Variants in ST6GALNAC5 observed in about 807,000 individuals in gnomAD.
The protein encoded by ST6GALNAC5 is ST6 N-acetylgalactosaminide alpha-2,6-sialyltransferase 5.
In ST6GALNAC5, 27 loss-of-function variants were observed where a neutral mutation model predicts 33.6. The observed-to-expected ratio is 0.80, with a 90% CI of 0.59 to 1.11. The LOEUF is 1.11. ST6GALNAC5 is among the 50% of genes least tolerant of loss of function. The probability of loss-of-function intolerance (pLI) is 0.00; values close to 1 mark genes in which losing one functional copy is unlikely to be tolerated. For missense variants in ST6GALNAC5, 428 were observed against 454.0 expected, an observed-to-expected ratio of 0.94 and a Z score of 0.52; for synonymous variants, 194 against 171.2, an observed-to-expected ratio of 1.13 and a Z score of -1.04.
At chr1:76,876,687 G>A (rs766550858) in intron 2 of ST6GALNAC5, among the ~76,000 whole-genome samples, 5 of 152,118 alleles carry the variant, frequency 3.3e-5, no homozygotes, top group African/African-American at 7.2e-5. Context: ...GCACAACCAC[G>A]TGCACTGCTC....
intron 3 of ST6GALNAC5, among the ~76,000 whole-genome samples, chr1:77,047,135 A>G (rs1652041580): frequency 6.6e-6 from 1 of 152,164 alleles, no homozygotes. Context: ...CGTAGTCCCT[A>G]CTCAGGGGAA....
At chr1:77,027,187 C>T (rs1485750195) in intron 2 of ST6GALNAC5, among the ~76,000 whole-genome samples, 1 of 152,204 alleles carries the variant, frequency 6.6e-6, no homozygotes, top group African/African-American at 2.4e-5. Flanking sequence ...AGGTATATCT[C>T]CTGCCTTCTA....
intron 2 of ST6GALNAC5, among the ~76,000 whole-genome samples, chr1:77,022,980 G>T (rs776829412): frequency 1.3e-5 from 2 of 152,184 alleles, no homozygotes; most frequent in Non-Finnish European, 2.9e-5. Flanking sequence ...GATGCAGGAC[G>T]TACTTAAGGA....
chr1:76,987,032 G>A (rs1233708280), intron 2 of ST6GALNAC5, among the ~76,000 whole-genome samples: 2 of 152,086 alleles, frequency 1.3e-5, no homozygotes, highest in African/African-American at 2.4e-5. Context: ...GTGGGGGACT[G>A]GGGGAGGGAT....
At chr1:77,044,695 C>A (rs1017693780) in intron 3 of ST6GALNAC5, 82 bp downstream of exon 3, 1 of 1,484,124 alleles carries the variant, frequency 6.7e-7, no homozygotes. Flanking sequence ...AAAGCTTTTG[C>A]TACAGGCTTT....
Position 77,065,683 on chromosome 1 carries a change from C to T in ST6GALNAC5, c.*2477C>T, listed in dbSNP as rs1652750265. ...TGACTGTCGTCTGAACACTATTCAA[C>T]ACCATTAAATATAAACTCTGATATA... is the stretch of plus-strand genomic sequence containing the variant. On this transcript the variant is annotated 3_prime_UTR_variant, in exon 5 of 5. Transcript: ENST00000477717. 6.6e-6 allele frequency: 1 copy of T among 152,196 alleles called. No individual in the cohort carries two copies. The highest frequency in any genetic ancestry group is 2.4e-5 in the African/African-American group (1 of 41,450). 9.4% of individuals were successfully genotyped at this position (152,196 alleles called of 1,614,324 possible). A position where few individuals can be genotyped will look rare whatever the true frequency, so the allele number is the denominator to read the frequency against.
At chr1:77,013,077 G>A (rs1650700341) in intron 2 of ST6GALNAC5, among the ~76,000 whole-genome samples, 1 of 152,170 alleles carries the variant, frequency 6.6e-6, no homozygotes, top group African/African-American at 2.4e-5. Context: ...AAGGAGCAGT[G>A]TGTGCACAAG....
chr1:76,922,680 C>G (rs1188472291), intron 2 of ST6GALNAC5, among the ~76,000 whole-genome samples: 2 of 152,044 alleles, frequency 1.3e-5, no homozygotes, highest in Non-Finnish European at 2.9e-5. Flanking sequence ...TAGACCCACA[C>G]AAATATATAC....
chr1:77,027,322 G>A (rs906137496), intron 2 of ST6GALNAC5, among the ~76,000 whole-genome samples: 1 of 152,196 alleles, frequency 6.6e-6, no homozygotes, highest in Non-Finnish European at 1.5e-5. Flanking sequence ...CAGGGGTGAA[G>A]TATACTTTCC....
chr1:77,000,877 C>G (rs571629754), intron 2 of ST6GALNAC5, among the ~76,000 whole-genome samples: 1 of 152,126 alleles, frequency 6.6e-6, no homozygotes, highest in Non-Finnish European at 1.5e-5. Flanking sequence ...CAGTACCATG[C>G]TGTTTTGGTT....
intron 2 of ST6GALNAC5, among the ~76,000 whole-genome samples, chr1:76,878,900 T>C (rs1653712450): frequency 6.6e-6 from 1 of 152,294 alleles, no homozygotes; most frequent in Non-Finnish European, 1.5e-5. Context: ...GCTTTGCCTC[T>C]GCTGTCCATT....
chr1:76,980,313 G>A (rs1457740632), intron 2 of ST6GALNAC5, among the ~76,000 whole-genome samples: 2 of 151,950 alleles, frequency 1.3e-5, no homozygotes, highest in African/African-American at 2.4e-5. Flanking sequence ...TAACATTTAG[G>A]TGCTATTGAC....
chr1:76,900,349 G>A (rs957616778), intron 2 of ST6GALNAC5, among the ~76,000 whole-genome samples: 3 of 151,514 alleles, frequency 2.0e-5, no homozygotes, highest in African/African-American at 7.3e-5. Flanking sequence ...GCAGGTCACA[G>A]GGGATATGAT....
At position 76,867,611 on chromosome 1, in the gene ST6GALNAC5, C is replaced by G; in HGVS notation, c.-65C>G. ...TCCGCCCCATTACCCATCATGGAAA[C>G]CCTCCAGGAAAAAGTGGCCCCGGAC... On this transcript the variant is annotated 5_prime_UTR_variant, in exon 1 of 5. Coordinates refer to ENST00000477717, the MANE Select transcript of ST6GALNAC5 (RefSeq NM_030965.3). The G allele has an allele frequency of 6.2e-7, 1 of 1,613,724 alleles. No individual in the cohort carries two copies. The highest frequency in any genetic ancestry group is 8.5e-7 in the Non-Finnish European group (1 of 1,179,660).
At chr1:77,058,916 G>C (rs1378111316) in intron 4 of ST6GALNAC5, among the ~76,000 whole-genome samples, 1 of 152,184 alleles carries the variant, frequency 6.6e-6, no homozygotes, top group African/African-American at 2.4e-5. Flanking sequence ...AGGATGTAAA[G>C]GAGATCACAT....
intron 2 of ST6GALNAC5, among the ~76,000 whole-genome samples, chr1:76,976,236 T>C (rs1191406999): frequency 6.6e-6 from 1 of 152,212 alleles, no homozygotes; most frequent in Non-Finnish European, 1.5e-5. Flanking sequence ...GTATGTGCTT[T>C]ATAATAATTC....
intron 2 of ST6GALNAC5, among the ~76,000 whole-genome samples, chr1:77,032,030 GA>G (rs1377833774): frequency 1.3e-5 from 2 of 152,162 alleles, no homozygotes; most frequent in African/African-American, 4.8e-5. Flanking sequence ...CATAGACAGC[GA>G]AAGGCAGAGA....
At chr1:76,932,110 A>C (rs1647148702) in intron 2 of ST6GALNAC5, among the ~76,000 whole-genome samples, 2 of 152,132 alleles carry the variant, frequency 1.3e-5, no homozygotes, top group Admixed American at 1.3e-4. Flanking sequence ...GTAGCGGTGA[A>C]ATATTCACTT....
chr1:76,978,701 C>T (rs80146310), intron 2 of ST6GALNAC5, among the ~76,000 whole-genome samples: 28,799 of 152,134 alleles, frequency 0.19, 2,870 homozygotes, highest in East Asian at 0.32. Context: ...AAATCTTTTC[C>T]TCTAAGACTT....
Sources: gnomAD v4.1 joint callset for allele counts (sites outside exome capture counted in the v4.1 genomes callset) on GRCh38, gnomAD v4.1.1 for gene constraint, MANE v1.5 for transcripts, NCBI Gene and HGNC (gene_info 2026-07-23, HGNC 2026-07-21) for gene names.